Variants in ZNF493 observed in about 807,000 individuals in gnomAD.
The protein encoded by ZNF493 is zinc finger protein 493.
In ZNF493, 11 loss-of-function variants were observed where a neutral mutation model predicts 12.2. The ratio of observed to expected loss-of-function variants is 0.90; its 90% CI spans 0.57 to 1.50. ZNF493 has a LOEUF of 1.50. Among genes scored for constraint, ZNF493 ranks in the 40% most tolerant of loss-of-function variants. The probability of loss-of-function intolerance (pLI) is 0.00; values close to 1 mark genes in which losing one functional copy is unlikely to be tolerated. For synonymous variants in ZNF493, 286 were observed against 302.6 expected (o/e 0.95, Z 0.57); for missense variants, 950 against 906.6 (o/e 1.05, Z -0.61).
chr19:21,401,546 C>T (rs1031332040), intron 1 of ZNF493, among the ~76,000 whole-genome samples: 13 of 152,000 alleles, frequency 8.6e-5, no homozygotes, highest in African/African-American at 3.1e-4. Flanking sequence ...TCTTACTTTA[C>T]ATCTGGTAGA....
intron 3 of ZNF493, among the ~76,000 whole-genome samples, chr19:21,417,361 C>T (rs369701380): frequency 1.3e-5 from 2 of 152,114 alleles, no homozygotes; most frequent in Admixed American, 1.3e-4. Context: ...ACGCAGATTA[C>T]CTCCAATACC....
intron 3 of ZNF493, chr19:21,412,936 G>T (rs944178091): frequency 5.3e-5 from 23 of 431,486 alleles, no homozygotes; most frequent in South Asian, 3.1e-4. Flanking sequence ...AGGTCGAGGT[G>T]CCACTATACT....
At position 21,425,654 on chromosome 19, in the gene ZNF493, T is replaced by C; in HGVS notation, c.*670T>C. ...CTTTTAACCAATCCTCAACCCTTAC[T>C]ACACATTAGATAATTCATGCTGGAG... is the stretch of plus-strand genomic sequence containing the variant. On this transcript the variant is annotated 3_prime_UTR_variant, in exon 4 of 4. Coordinates refer to ENST00000392288, the MANE Select transcript of ZNF493 (RefSeq NM_001076678.3). 1 of 828,046 alleles carries C rather than the reference T, an allele frequency of 1.2e-6. No homozygotes were observed. The highest frequency in any genetic ancestry group is 1.9e-6 in the Non-Finnish European group (1 of 518,746). 51.3% of individuals were successfully genotyped at this position (828,046 alleles called of 1,614,324 possible). A position where few individuals can be genotyped will look rare whatever the true frequency, so the allele number is the denominator to read the frequency against.
chr19:21,425,132 T>A lies in ZNF493; in HGVS notation c.*148T>A. On this transcript the variant is annotated 3_prime_UTR_variant, in exon 4 of 4. Transcript: ENST00000392288. ...GTGAAGAATGTGGCAAAGATTTCTA[T>A]TGATTCTCATACCTTACTAAATATA... is the stretch of plus-strand genomic sequence containing the variant. The A allele has an allele frequency of 1.1e-6, 1 of 934,798 alleles. No individual in the cohort carries two copies. Among genetic ancestry groups the A allele is most frequent in the Non-Finnish European group, 1.7e-6 (1 of 581,910 alleles). The allele number at this position is 934,798 out of a possible 1,614,324, so 57.9% of individuals were successfully genotyped here.
In ZNF493 at chr19:21,424,260, T is replaced by C. The variant is rs748002296; in HGVS notation, c.1601T>C (p.Ile534Thr). The change falls in exon 4 of 4, where the codon ATA becomes ACA. Residue 534 changes from isoleucine (I) to threonine (T), a missense_variant. Coordinates refer to ENST00000392288, the MANE Select transcript of ZNF493 (RefSeq NM_001076678.3). ...KAFKRSSTLT[I>T]HKMIHTGEKP... ...TTTAAACGATCTTCAACCCTTACTA[T>C]ACATAAAATGATTCACACTGGAGAA... is the stretch of plus-strand genomic sequence containing the variant. The C allele has an allele frequency of 2.5e-6, 4 of 1,604,118 alleles. No individual in the cohort carries two copies. The South Asian group carries it at 4.4e-5, about 18-fold the overall frequency.
chr19:21,411,124 A>C (rs2030311346), intron 3 of ZNF493, among the ~76,000 whole-genome samples: 3 of 152,126 alleles, frequency 2.0e-5, no homozygotes, highest in Admixed American at 1.3e-4. Flanking sequence ...AATTTTGTGA[A>C]TATAGTTTTT....
chr19:21,424,530 C>G lies in ZNF493; in HGVS notation c.1871C>G (p.Thr624Ser). 1 of 1,613,346 alleles carries G rather than the reference C, an allele frequency of 6.2e-7. No individual in the cohort carries two copies. Among genetic ancestry groups the G allele is most frequent in the Non-Finnish European group, 8.5e-7 (1 of 1,179,734 alleles). Residue 624 changes from threonine to serine, a missense_variant, in exon 4 of 4, where the codon ACT becomes AGT. Transcript: ENST00000392288. ...SILSIHKKIHTGEKPYKCEEC... is the reference protein window; with the variant it reads ...SILSIHKKIHSGEKPYKCEEC... ...CTTAGTATACATAAGAAAATTCATA[C>G]TGGAGAAAAACCCTACAAATGTGAA...
chr19:21,397,169 C>A lies in ZNF493; in HGVS notation c.-69C>A. On this transcript the variant is annotated 5_prime_UTR_variant, in exon 1 of 4. Coordinates refer to ENST00000392288, the MANE Select transcript of ZNF493 (RefSeq NM_001076678.3). ...CTGCTGCCGGAGCTCCAGGTCTACC[C>A]TTCACTGCTCTGTGTCCTCAGCGTG... 3 of 1,589,072 alleles carry A rather than the reference C, an allele frequency of 1.9e-6. No individual in the cohort carries two copies. Among genetic ancestry groups the A allele is most frequent in the Non-Finnish European group, 2.6e-6 (3 of 1,157,102 alleles).
chr19:21,399,051 G>A (rs1327410961), intron 1 of ZNF493: 2 of 152,920 alleles, frequency 1.3e-5, no homozygotes, highest in African/African-American at 4.8e-5. Context: ...TGAATGGGTG[G>A]TTCTTGAGCA....
intron 3 of ZNF493, chr19:21,408,830 A>G (rs2030224049): frequency 1.0e-6 from 1 of 971,460 alleles, no homozygotes; most frequent in Non-Finnish European, 1.2e-6. Flanking sequence ...ATCTATAAAT[A>G]TGACCCCAAT....
At chr19:21,407,558 G>A (rs1187936498) in intron 3 of ZNF493, 1 of 858,950 alleles carries the variant, frequency 1.2e-6, no homozygotes, top group African/African-American at 1.8e-5. Context: ...CAAAGTGCTG[G>A]TATTACAGGC....
chr19:21,424,383 G>C lies in ZNF493; in HGVS notation c.1724G>C (p.Cys575Ser). 1 of 1,613,232 alleles carries C rather than the reference G, an allele frequency of 6.2e-7. No homozygotes were observed. Among genetic ancestry groups the C allele is most frequent in the South Asian group, 1.1e-5 (1 of 91,034 alleles). The part of the protein sequence containing the change: ...RIHTGHKPYK[C>S]KECGKSFSVF... ...CATACTGGACACAAACCCTACAAATGTAAAGAATGTGGCAAATCCTTTAGT... is the reference window on the plus strand; with the variant it reads ...CATACTGGACACAAACCCTACAAATCTAAAGAATGTGGCAAATCCTTTAGT... The change falls in exon 4 of 4, where the codon TGT becomes TCT. Residue 575 changes from cysteine to serine, a missense_variant. By Grantham distance (112) the Cys-to-Ser change is moderately radical. Transcript: ENST00000392288.
rs2030823388 is a variant in ZNF493 at position 21,425,208 on chromosome 19, G to T, written c.*224G>T. On this transcript the variant is annotated 3_prime_UTR_variant, in exon 4 of 4. Transcript: ENST00000392288. ...CTACAGATGTGAAGAATGTGGCAAA[G>T]GCTTTAATTAGTTCTCATCCCTTAC... 1 of 620,186 alleles carries T rather than the reference G, an allele frequency of 1.6e-6. No individual in the cohort carries two copies. Among genetic ancestry groups the T allele is most frequent in the Non-Finnish European group, 2.9e-6 (1 of 345,534 alleles). The allele number at this position is 620,186 out of a possible 1,614,324, so 38.4% of individuals were successfully genotyped here.
chr19:21,424,735 A>AGCCTTTAGCCTGTCCCTCCAATTT lies in ZNF493; in HGVS notation c.2076_2077insGCCTTTAGCCTGTCCCTCCAATTT (p.Lys692_Thr693insAlaPheSerLeuSerLeuGlnPhe). The AGCCTTTAGCCTGTCCCTCCAATTT allele has an allele frequency of 1.2e-6, 2 of 1,613,306 alleles. No homozygotes were observed. ...CCTACAAATGTGAAAAATGTGGCAA[A>AGCCTTTAGCCTGTCCCTCCAATTT]ACTTTCTACCGATTCTCAAACCTTA... On this transcript the variant is annotated inframe_insertion, in exon 4 of 4. Coordinates refer to ENST00000392288, the MANE Select transcript of ZNF493 (RefSeq NM_001076678.3).
chr19:21,399,319 C>T (rs1242767554), intron 1 of ZNF493, among the ~76,000 whole-genome samples: 2 of 152,028 alleles, frequency 1.3e-5, no homozygotes, highest in Non-Finnish European at 2.9e-5. Flanking sequence ...TGACACCATG[C>T]CCGGCTAATT....
chr19:21,416,541 AAAGAT>A (rs1440206608), intron 3 of ZNF493, among the ~76,000 whole-genome samples: 1 of 152,172 alleles, frequency 6.6e-6, no homozygotes, highest in Non-Finnish European at 1.5e-5. Context: ...GCTGTAGAGA[AAAGAT>A]TGAAATGTTG....
intron 1 of ZNF493, chr19:21,398,840 A>AG (rs1855419892): frequency 1.3e-5 from 2 of 159,410 alleles, no homozygotes; most frequent in South Asian, 3.4e-4. Flanking sequence ...GGATTCTCTA[A>AG]GGGGGCAGAA....
At chr19:21,422,749 T>C (rs1249688657) in intron 3 of ZNF493, among the ~76,000 whole-genome samples, 164 bp from the exon 4 acceptor site, 1 of 152,178 alleles carries the variant, frequency 6.6e-6, no homozygotes, top group Non-Finnish European at 1.5e-5. Flanking sequence ...TTCTCAGATA[T>C]ATTTTGGTTA....
intron 3 of ZNF493, among the ~76,000 whole-genome samples, chr19:21,414,844 G>A (rs2030432745): frequency 1.3e-5 from 2 of 152,152 alleles, no homozygotes; most frequent in South Asian, 2.1e-4. Flanking sequence ...TTTACATTTA[G>A]TTATTTTAGG....
Sources: allele counts gnomAD v4.1 joint callset (sites outside exome capture counted in the v4.1 genomes callset), GRCh38; gene constraint gnomAD v4.1.1; transcripts MANE v1.5; gene names NCBI Gene and HGNC (gene_info 2026-07-23, HGNC 2026-07-21).